CAMK2D: variants seen among roughly 807,000 people sequenced by gnomAD.
The protein encoded by CAMK2D is calcium/calmodulin dependent protein kinase II delta.
Under a neutral mutation model 84.0 loss-of-function variants are expected in CAMK2D, and 37 were observed. The ratio of observed to expected loss-of-function variants is 0.44; its 90% CI spans 0.34 to 0.58. The LOEUF (loss-of-function observed/expected upper bound fraction) is 0.58, where lower values mean the gene tolerates loss of function less well. Ranked by LOEUF, CAMK2D falls within the 20% of genes least tolerant of loss-of-function variation. The pLI, the probability that CAMK2D is intolerant of heterozygous loss-of-function variation, is 0.02. For synonymous variants in CAMK2D, 202 were observed against 212.5 expected (o/e 0.95, Z 0.43); for missense variants, 448 against 652.5 (o/e 0.69, Z 3.41).
At chr4:113,607,377 T>C (rs1206285705) in intron 4 of CAMK2D, among the ~76,000 whole-genome samples, 1 of 152,088 alleles carries the variant, frequency 6.6e-6, no homozygotes, top group African/African-American at 2.4e-5. Context: ...ATATGGCAGA[T>C]ATGCTTGGCT....
At chr4:113,495,860 A>G (rs2097920710) in intron 16 of CAMK2D, among the ~76,000 whole-genome samples, 1 of 152,166 alleles carries the variant, frequency 6.6e-6, no homozygotes, top group Non-Finnish European at 1.5e-5. Flanking sequence ...TGGTGAGCTG[A>G]AGTGAGATAC....
intron 15 of CAMK2D, 68 bp from the exon 16 acceptor site, chr4:113,500,579 G>A: frequency 9.6e-7 from 1 of 1,036,542 alleles, no homozygotes; most frequent in Non-Finnish European, 1.5e-6. Flanking sequence ...TTAAAAATTG[G>A]CTAGTGACAT....
chr4:113,502,694 A>G (rs751003138), intron 15 of CAMK2D, among the ~76,000 whole-genome samples: 1 of 152,146 alleles, frequency 6.6e-6, no homozygotes, highest in Non-Finnish European at 1.5e-5. Context: ...TAAAGACTTC[A>G]TTCATGTTTA....
At chr4:113,676,651 TC>T (rs777136963) in intron 2 of CAMK2D, among the ~76,000 whole-genome samples, 5 of 152,318 alleles carry the variant, frequency 3.3e-5, no homozygotes, top group Middle Eastern at 3.4e-3. Context: ...CATTCTGGCC[TC>T]CTTTCTGTTT....
rs573834249 is a variant in CAMK2D, at chr4:113,567,893, C to T, written c.276-15797G>A. Among the ~76,000 whole-genome samples the T allele has an allele frequency of 7.4e-4, 113 of 152,216 alleles. 1 individual carries two copies. Among genetic ancestry groups the T allele is most frequent in the Non-Finnish European group, 6.8e-4 (46 of 68,016 alleles). ...TATAATTATTATTGCTTCAAAACAACGAGTCCTCCTTGGTTAATATACTGC... is the reference window on the plus strand; with the variant it reads ...TATAATTATTATTGCTTCAAAACAATGAGTCCTCCTTGGTTAATATACTGC... On this transcript the variant is annotated intron_variant, in intron 4 of 20. Coordinates refer to ENST00000511664, the MANE Select transcript of CAMK2D (RefSeq NM_001321571.2).
At chr4:113,587,398 T>C (rs1213863453) in intron 4 of CAMK2D, among the ~76,000 whole-genome samples, 1 of 152,234 alleles carries the variant, frequency 6.6e-6, no homozygotes, top group Non-Finnish European at 1.5e-5. Context: ...ATTTCATTTG[T>C]GACTATGGCT....
chr4:113,539,101 CAT>C (rs1420703025), intron 6 of CAMK2D, among the ~76,000 whole-genome samples: 2 of 152,192 alleles, frequency 1.3e-5, no homozygotes, highest in African/African-American at 4.8e-5. Context: ...AGTATCTACA[CAT>C]GTTAAATTAT....
intron 2 of CAMK2D, among the ~76,000 whole-genome samples, chr4:113,738,831 A>T (rs2099586815): frequency 6.6e-6 from 1 of 152,186 alleles, no homozygotes; most frequent in Admixed American, 6.5e-5. Context: ...TTAAAAATTA[A>T]TCGAAGCATT....
At chr4:113,607,347 C>T (rs986872438) in intron 4 of CAMK2D, among the ~76,000 whole-genome samples, 2 of 152,068 alleles carry the variant, frequency 1.3e-5, no homozygotes, top group Non-Finnish European at 2.9e-5. Flanking sequence ...GCAGAAGTAG[C>T]GCTTTAGTCT....
chr4:113,661,664 CAT>C (rs1561671575), intron 3 of CAMK2D, 47 bp downstream of exon 3: 3 of 800,878 alleles, frequency 3.7e-6, no homozygotes, highest in South Asian at 2.1e-5. Flanking sequence ...TGGTAAATAA[CAT>C]AAAATTTTAA....
intron 9 of CAMK2D, among the ~76,000 whole-genome samples, 172 bp from the exon 10 acceptor site, chr4:113,515,363 C>T (rs2098271456): frequency 6.6e-6 from 1 of 152,032 alleles, no homozygotes; most frequent in South Asian, 2.1e-4. Flanking sequence ...CTATTCTCCC[C>T]CTCTATGTAG....
intron 2 of CAMK2D, among the ~76,000 whole-genome samples, chr4:113,704,942 A>C (rs949828596): frequency 6.6e-6 from 1 of 152,078 alleles, no homozygotes; most frequent in Non-Finnish European, 1.5e-5. Flanking sequence ...GCAGGTTAAA[A>C]AAAAAAAATG....
intron 2 of CAMK2D, among the ~76,000 whole-genome samples, chr4:113,663,823 A>T (rs1198705133): frequency 6.7e-6 from 1 of 150,278 alleles, no homozygotes; most frequent in Non-Finnish European, 1.5e-5. Flanking sequence ...TGCTATAGAG[A>T]TAAACATAAC....
intron 2 of CAMK2D, among the ~76,000 whole-genome samples, chr4:113,709,593 T>C (rs1417883806): frequency 7.3e-6 from 1 of 137,578 alleles, no homozygotes; most frequent in Non-Finnish European, 1.5e-5. Context: ...ATCACTATCT[T>C]ACAATCTTCC....
At chr4:113,656,967 A>G (rs925627399) in intron 3 of CAMK2D, among the ~76,000 whole-genome samples, 3 of 152,100 alleles carry the variant, frequency 2.0e-5, no homozygotes, top group Non-Finnish European at 4.4e-5. Context: ...ATATCTCATC[A>G]AGGTCTTCAT....
At position 113,761,042 on chromosome 4, in the gene CAMK2D, C is replaced by T; in HGVS notation, c.27G>A (p.Arg9=). The T allele has an allele frequency of 6.2e-7, 1 of 1,614,208 alleles. No homozygotes were observed. The highest frequency in any genetic ancestry group is 8.5e-7 in the Non-Finnish European group (1 of 1,180,030). The change falls in exon 1 of 21, where the codon AGG becomes AGA. Residue 9 remains arginine (R), a synonymous_variant. Transcript: ENST00000511664. The part of the protein sequence containing the change: MASTTTCT[R]FTDEYQLFEE... ...CGAAAAGCTGATACTCGTCCGTGAACCTGGTGCAGGTTGTGGTCGAAGCCA... is the reference window on the plus strand; with the variant it reads ...CGAAAAGCTGATACTCGTCCGTGAATCTGGTGCAGGTTGTGGTCGAAGCCA...
intron 4 of CAMK2D, among the ~76,000 whole-genome samples, chr4:113,606,168 A>C (rs2098975985): frequency 6.6e-6 from 1 of 152,078 alleles, no homozygotes; most frequent in Admixed American, 6.5e-5. Context: ...AATATAACTG[A>C]CATAAAAAAC....
At chr4:113,657,827 GA>G (rs1410437722) in intron 3 of CAMK2D, among the ~76,000 whole-genome samples, 1 of 151,986 alleles carries the variant, frequency 6.6e-6, no homozygotes, top group African/African-American at 2.4e-5. Context: ...TTTCACAGGG[GA>G]AAAAATGGTC....
Position 113,494,399 on chromosome 4 carries a change from G to T in CAMK2D, c.1135+6064C>A, listed in dbSNP as rs532344501. Reference sequence around the variant, plus strand: ...TGCAGGTCTGTTGGAGTACCCTGCCGTGTGAGGTGTCAGTGTGCCCCTGCT... The same window carrying T: ...TGCAGGTCTGTTGGAGTACCCTGCCTTGTGAGGTGTCAGTGTGCCCCTGCT... On this transcript the variant is annotated intron_variant, in intron 16 of 20. Transcript: ENST00000511664. Among the ~76,000 whole-genome samples the T allele has an allele frequency of 1.2e-4, 19 of 152,190 alleles. No individual in the cohort carries two copies. In the Middle Eastern group the frequency reaches 0.01, roughly 82 times the overall value.
Sources: gnomAD v4.1 joint callset for allele counts (sites outside exome capture counted in the v4.1 genomes callset) on GRCh38, gnomAD v4.1.1 for gene constraint, MANE v1.5 for transcripts, NCBI Gene and HGNC (gene_info 2026-07-23, HGNC 2026-07-21) for gene names.